The following AGAP1 variants were observed in gnomAD, a reference collection of about 807,000 sequenced individuals.
AGAP1 encodes ArfGAP with GTPase domain, ankyrin repeat and PH domain 1.
In AGAP1, 29 loss-of-function variants were observed where a neutral mutation model predicts 105.3. That is an observed-to-expected ratio of 0.28 (90% CI 0.21 to 0.38). The LOEUF (loss-of-function observed/expected upper bound fraction) is 0.38, where lower values mean the gene tolerates loss of function less well. Among genes scored for constraint, AGAP1 ranks in the 10% least tolerant of loss-of-function variants. The pLI is 1.00. For missense variants in AGAP1, 998 were observed against 1,165.1 expected (o/e 0.86, Z 2.09); for synonymous variants, 509 against 485.9 (o/e 1.05, Z -0.63).
At position 236,005,483 on chromosome 2, in the gene AGAP1, C is replaced by G. The variant is rs1201955901; in HGVS notation, c.1646-31078C>G. 1.3e-5 allele frequency among the ~76,000 whole-genome samples: 2 copies of G among 152,268 alleles called. No homozygotes were observed. Among genetic ancestry groups the G allele is most frequent in the South Asian group, 4.1e-4 (2 of 4,822 alleles). ...CCTCTTTCATTAGTATGGTACATTT[C>G]TTAGAGTTCATGAGTCAATATTGAT... On this transcript the variant is annotated intron_variant, in intron 13 of 17. Transcript: ENST00000304032. This position sits in a 1 kb window ranked among gnomAD's most constrained non-coding sequence, Gnocchi z 4.1.
At position 235,934,081 on chromosome 2, in the gene AGAP1, A is replaced by G. The variant is rs556535693; in HGVS notation, c.1483+3158A>G. On this transcript the variant is annotated intron_variant, in intron 12 of 17. Coordinates refer to ENST00000304032, the MANE Select transcript of AGAP1 (RefSeq NM_001037131.3). The surrounding 1 kb of genome is among the most constrained non-coding windows in gnomAD (Gnocchi z 4.9). ...CTCAGGTGGCCCGATTCAGCTCTCC[A>G]TCACTGCATGTCAAGGTGTGCCTCC... 2.7e-4 allele frequency among the ~76,000 whole-genome samples: 41 copies of G among 152,266 alleles called. No individual in the cohort carries two copies. The South Asian group carries it at 7.7e-3, about 28-fold the overall frequency.
In AGAP1 at chr2:235,701,180, T is replaced by TG. The variant is rs758221063; in HGVS notation, c.164-7992dup. Among the ~76,000 whole-genome samples, 35 of 150,818 alleles carry TG rather than the reference T, an allele frequency of 2.3e-4. No individual in the cohort carries two copies. Among genetic ancestry groups the TG allele is most frequent in the South Asian group, 6.3e-4 (3 of 4,794 alleles). On this transcript the variant is annotated intron_variant, in intron 1 of 17. Coordinates refer to ENST00000304032, the MANE Select transcript of AGAP1 (RefSeq NM_001037131.3). This position sits in a 1 kb window ranked among gnomAD's most constrained non-coding sequence, Gnocchi z 4.1. ...TGTATATTTTATATATTTATATATATGGGGGGGTGGAAATCACTATCCTCT... is the reference window on the plus strand; with the variant it reads ...TGTATATTTTATATATTTATATATATGGGGGGGGTGGAAATCACTATCCTCT...
intron 8 of AGAP1, among the ~76,000 whole-genome samples, chr2:235,803,119 T>A (rs971755848): frequency 9.4e-5 from 10 of 105,952 alleles, no homozygotes; most frequent in Admixed American, 1.9e-4. Flanking sequence ...GTGATGGTGA[T>A]GATGATGGTT....
Position 235,689,685 on chromosome 2 carries a change from T to C in AGAP1, c.164-19494T>C, listed in dbSNP as rs75436322. Among the ~76,000 whole-genome samples, 1,545 of 152,338 alleles carry C rather than the reference T, an allele frequency of 0.01. 49 individuals carry two copies. The highest frequency in any genetic ancestry group is 0.099 in the East Asian group (510 of 5,164). ...TGTGTAATGAAGTATCTGCAACATT[T>C]CCACTCATTTGAGAGTTCCACTTTT... On this transcript the variant is annotated intron_variant, in intron 1 of 17. Transcript: ENST00000304032. This position sits in a 1 kb window ranked among gnomAD's most constrained non-coding sequence, Gnocchi z 4.2.
At chr2:235,681,462 T>TG (rs764903275) in intron 1 of AGAP1, among the ~76,000 whole-genome samples, 11 of 152,184 alleles carry the variant, frequency 7.2e-5, no homozygotes, top group Non-Finnish European at 1.3e-4. Context: ...TTCCTCCAGC[T>TG]GGTGAACCAC....
intron 16 of AGAP1, among the ~76,000 whole-genome samples, chr2:236,103,191 T>C (rs1166919532): frequency 1.3e-5 from 2 of 152,150 alleles, no homozygotes; most frequent in Middle Eastern, 3.4e-3. Context: ...TCTGTCCCGT[T>C]CCATCCTCCG....
intron 1 of AGAP1, among the ~76,000 whole-genome samples, chr2:235,563,093 C>T (rs964702516): frequency 8.5e-5 from 13 of 152,050 alleles, no homozygotes; most frequent in Non-Finnish European, 1.8e-4. Flanking sequence ...GTCGCTTTGC[C>T]CTGGGGCTGC....
rs2050996248 is a variant in AGAP1, at chr2:235,900,101, C to T, written c.1156-8637C>T. On this transcript the variant is annotated intron_variant, in intron 10 of 17. Coordinates refer to ENST00000304032, the MANE Select transcript of AGAP1 (RefSeq NM_001037131.3). The surrounding 1 kb of genome is among the most constrained non-coding windows in gnomAD (Gnocchi z 5.5). ...TTTGCCATCATGTAGGGACTCTCCACTGTACATGAAGCTGCCACCACTGGT... is the reference window on the plus strand; with the variant it reads ...TTTGCCATCATGTAGGGACTCTCCATTGTACATGAAGCTGCCACCACTGGT... Among the ~76,000 whole-genome samples, 3 of 152,244 alleles carry T rather than the reference C, an allele frequency of 2.0e-5. No individual in the cohort carries two copies. The highest frequency in any genetic ancestry group is 4.4e-5 in the Non-Finnish European group (3 of 68,046).
At chr2:235,852,854 C>A (rs571462989) in intron 9 of AGAP1, 39 of 1,448,772 alleles carry the variant, frequency 2.7e-5, no homozygotes, top group Middle Eastern at 1.8e-4. Context: ...GATGAATTAG[C>A]GGTGGGAGTT....
At chr2:235,870,335 G>A (rs6759206) in intron 9 of AGAP1, among the ~76,000 whole-genome samples, 73,893 of 152,058 alleles carry the variant, frequency 0.49, 18,313 homozygotes, top group South Asian at 0.74. Flanking sequence ...GAGAACTGCA[G>A]CAGATACCCT....
At position 236,096,301 on chromosome 2, in the gene AGAP1, A is replaced by G. The variant is rs1400323343; in HGVS notation, c.2115-23891A>G. Reference sequence around the variant, plus strand: ...GAATCCCTGAGGTTAGAAGTTCGAGACCAGCCTGGCCAACATAGTGAAACA... The same window carrying G: ...GAATCCCTGAGGTTAGAAGTTCGAGGCCAGCCTGGCCAACATAGTGAAACA... On this transcript the variant is annotated intron_variant, in intron 16 of 17. Transcript: ENST00000304032. The surrounding 1 kb of genome is among the most constrained non-coding windows in gnomAD (Gnocchi z 4.4). Among the ~76,000 whole-genome samples the G allele has an allele frequency of 2.0e-5, 3 of 152,102 alleles. No individual in the cohort carries two copies. The highest frequency in any genetic ancestry group is 4.4e-5 in the Non-Finnish European group (3 of 68,032).
chr2:236,033,735 G>A (rs907946250), intron 13 of AGAP1, among the ~76,000 whole-genome samples: 2 of 152,228 alleles, frequency 1.3e-5, no homozygotes, highest in Non-Finnish European at 2.9e-5. Flanking sequence ...CAGTGACCGA[G>A]CCCTGCACCC....
In AGAP1 at chr2:235,930,826, C is replaced by T. The variant is rs750546538; in HGVS notation, c.1386C>T (p.Asn462=). The T allele has an allele frequency of 2.5e-6, 4 of 1,614,046 alleles. No homozygotes were observed. Among genetic ancestry groups the T allele is most frequent in the Admixed American group, 1.7e-5 (1 of 60,006 alleles). The change falls in exon 12 of 18, where the codon AAC becomes AAT. Residue 462 remains asparagine, a synonymous_variant. Coordinates refer to ENST00000304032, the MANE Select transcript of AGAP1 (RefSeq NM_001037131.3). The surrounding 1 kb of genome is among the most constrained non-coding windows in gnomAD (Gnocchi z 7.9). ...MASGISLVSF[N]SRPDGMHQRS... is the part of the protein sequence containing the mutation. ...GCGGCATCAGCCTGGTCTCCTTCAA[C>T]AGCCGACCCGACGGCATGCACCAGC...
rs527346868 is a variant in AGAP1 at position 236,083,182 on chromosome 2, G to A, written c.2114+33901G>A. Among the ~76,000 whole-genome samples the A allele has an allele frequency of 6.6e-5, 10 of 152,164 alleles. No individual in the cohort carries two copies. In the East Asian group the frequency reaches 1.4e-3, roughly 21 times the overall value. ...AAAAAAGAAAAAGAAAAGAGGCCTC[G>A]CCTTCCATTTAGACTGGCTCATGAA... is the stretch of plus-strand genomic sequence containing the variant. On this transcript the variant is annotated intron_variant, in intron 16 of 17. Transcript: ENST00000304032. The surrounding 1 kb of genome is among the most constrained non-coding windows in gnomAD (Gnocchi z 5.3).
At chr2:235,943,916 T>G (rs934248005) in intron 12 of AGAP1, among the ~76,000 whole-genome samples, 1 of 152,208 alleles carries the variant, frequency 6.6e-6, no homozygotes, top group Non-Finnish European at 1.5e-5. Context: ...GGCTTTATTA[T>G]GTGACAGATA....
chr2:235,874,468 C>G lies in AGAP1; in HGVS notation c.1051-8877C>G, dbSNP rs1429160011. 1.3e-5 allele frequency among the ~76,000 whole-genome samples: 2 copies of G among 152,178 alleles called. No individual in the cohort carries two copies. The highest frequency in any genetic ancestry group is 2.9e-5 in the Non-Finnish European group (2 of 68,028). On this transcript the variant is annotated intron_variant, in intron 9 of 17. Coordinates refer to ENST00000304032, the MANE Select transcript of AGAP1 (RefSeq NM_001037131.3). The surrounding 1 kb of genome is among the most constrained non-coding windows in gnomAD (Gnocchi z 4.5). Reference sequence around the variant, plus strand: ...GGCTGCCCTCATGCCTCCTTGGGGCCAGGGCTGTGGTTATAGTTGCTGTCC... The same window carrying G: ...GGCTGCCCTCATGCCTCCTTGGGGCGAGGGCTGTGGTTATAGTTGCTGTCC...
At chr2:235,885,351 T>C (rs2050224488) in intron 10 of AGAP1, among the ~76,000 whole-genome samples, 2 of 152,238 alleles carry the variant, frequency 1.3e-5, no homozygotes, top group African/African-American at 4.8e-5. Flanking sequence ...CCACGGTATC[T>C]GAAAAATGAA....
intron 13 of AGAP1, among the ~76,000 whole-genome samples, chr2:236,029,869 G>A (rs1159591501): frequency 1.3e-5 from 2 of 152,076 alleles, no homozygotes. Context: ...CTCCCAAGTA[G>A]CTGGGACTAC....
chr2:235,509,937 G>A (rs554347819), intron 1 of AGAP1, among the ~76,000 whole-genome samples: 133 of 152,052 alleles, frequency 8.7e-4, no homozygotes, highest in African/African-American at 3.1e-3. Flanking sequence ...TCAGATCAGC[G>A]GCGGCATTAG....
Sources: gnomAD v4.1 joint callset for allele counts (sites outside exome capture counted in the v4.1 genomes callset) on GRCh38, gnomAD v4.1.1 for gene constraint, Gnocchi (gnomAD v3.1) non-coding constraint, MANE v1.5 for transcripts, NCBI Gene and HGNC (gene_info 2026-07-23, HGNC 2026-07-21) for gene names.